RUNX1T1: variants seen among roughly 807,000 people sequenced by gnomAD.
RUNX1T1 encodes protein CBFA2T1.
RUNX1T1 carries 4 observed loss-of-function variants against 62.8 expected under a neutral mutation model. The observed-to-expected ratio is 0.06, with a 90% confidence interval of 0.03 to 0.15. The LOEUF (loss-of-function observed/expected upper bound fraction) is 0.15. Ranked by LOEUF, RUNX1T1 falls within the 10% of genes least tolerant of loss-of-function variation. The pLI is 1.00. For missense variants in RUNX1T1, 508 were observed against 754.3 expected (o/e 0.67, Z 3.82); for synonymous variants, 291 against 286.0 (o/e 1.02, Z -0.18).
Position 92,017,360 on chromosome 8 carries a change from C to A in RUNX1T1, c.11G>T (p.Arg4Leu), listed in dbSNP as rs369593131. 1.2e-6 allele frequency: 2 copies of A among 1,613,744 alleles called. No individual in the cohort carries two copies. The highest frequency in any genetic ancestry group is 3.3e-5 in the Admixed American group (2 of 59,998). Residue 4 changes from arginine (R) to leucine (L), a missense_variant, in exon 2 of 11, where the codon CGT becomes CTT. Arg to Leu is a moderately radical substitution (Grantham distance 102). This residue lies in a region of RUNX1T1 where 86 missense variants were observed against 94.4 expected (regional missense o/e 0.91). Coordinates refer to ENST00000396218, the Ensembl canonical transcript of RUNX1T1. ...TGGCATTGTGGAGTGCTTCTCAGTA[C>A]GATCTGGAGGATGCCACCAGGAACA...
In RUNX1T1 at chr8:92,014,751, T is replaced by C. The variant is rs181947057; in HGVS notation, c.215A>G (p.Asn72Ser). 17 of 1,614,012 alleles carry C rather than the reference T, an allele frequency of 1.1e-5. No individual in the cohort carries two copies. The Admixed American group carries it at 2.3e-4, about 22-fold the overall frequency. The change falls in exon 3 of 11, where the codon AAT (asparagine) becomes AGT (serine). Residue 72 changes from asparagine to serine, a missense_variant. Around this residue, in one of 7 missense-constraint regions of RUNX1T1, gnomAD observed 86 missense variants for 94.4 expected, o/e 0.91. Transcript: ENST00000396218. ...GGAGGAGGAAGAAGAGGAAGGCCCA[T>C]TGCTGAAGCCATTGGGTGGTGAGGG...
chr8:92,058,593 CT>C (rs1831415579), intron 1 of RUNX1T1, among the ~76,000 whole-genome samples: 1 of 152,164 alleles, frequency 6.6e-6, no homozygotes, highest in South Asian at 2.1e-4. Context: ...AAAAGATCTT[CT>C]TACTTTCATA....
At chr8:92,068,186 C>T (rs1833152972) in intron 2 of RUNX1T1, among the ~76,000 whole-genome samples, 1 of 151,834 alleles carries the variant, frequency 6.6e-6, no homozygotes, top group African/African-American at 2.4e-5. Context: ...AAATAAGTTA[C>T]CATTTACAGT....
upstream of RUNX1T1, chr8:92,062,993 C>T (rs962907714): frequency 1.8e-6 from 2 of 1,119,928 alleles, no homozygotes; most frequent in Non-Finnish European, 2.2e-6. Context: ...CAAGGTTAAC[C>T]CTTATTTTGC....
chr8:92,101,908 G>C (rs994373883), upstream of RUNX1T1, among the ~76,000 whole-genome samples: 2 of 152,172 alleles, frequency 1.3e-5, no homozygotes, highest in Non-Finnish European at 2.9e-5. Flanking sequence ...GGCGGTGAGC[G>C]GCGGGCCCTG....
chr8:91,980,238 C>T (rs1008149191), intron 8 of RUNX1T1, among the ~76,000 whole-genome samples: 8 of 152,136 alleles, frequency 5.3e-5, no homozygotes, highest in African/African-American at 1.9e-4. Context: ...TAGTTAAGTA[C>T]AGTAGGCATT....
At chr8:91,981,637 G>A (rs1166170475) in intron 8 of RUNX1T1, among the ~76,000 whole-genome samples, 2 of 151,394 alleles carry the variant, frequency 1.3e-5, no homozygotes, top group African/African-American at 4.9e-5. Context: ...GGATGATCTC[G>A]ATATCCTGAC....
chr8:92,039,906 G>A (rs1388534505), intron 1 of RUNX1T1, among the ~76,000 whole-genome samples: 1 of 152,024 alleles, frequency 6.6e-6, no homozygotes, highest in Admixed American at 6.6e-5. Flanking sequence ...AGGTCCTCAT[G>A]TTCTCTCACC....
At chr8:91,960,204 G>C in exon 11 of RUNX1T1, 1 of 1,586,618 alleles carries the variant, frequency 6.3e-7, no homozygotes, top group Non-Finnish European at 8.6e-7. Context: ...TTTCGCGTTG[G>C]TTGTGTTGTC....
intron 2 of RUNX1T1, among the ~76,000 whole-genome samples, chr8:92,068,019 A>T (rs1245658230): frequency 2.0e-5 from 3 of 152,232 alleles, no homozygotes; most frequent in African/African-American, 7.2e-5. Context: ...CATAGGCACT[A>T]GCAAGGGGTT....
At chr8:91,960,671 A>G (rs1810239988) in intron 10 of RUNX1T1, among the ~76,000 whole-genome samples, 154 bp from the exon 12 acceptor site, 1 of 152,232 alleles carries the variant, frequency 6.6e-6, no homozygotes, top group South Asian at 2.1e-4. Context: ...TACAAACACT[A>G]AACACAGAAG....
chr8:91,998,868 G>T (rs1405135254), intron 5 of RUNX1T1, among the ~76,000 whole-genome samples: 4 of 152,010 alleles, frequency 2.6e-5, no homozygotes, highest in African/African-American at 9.7e-5. Flanking sequence ...TGTTTTTATT[G>T]TATTTCAGAG....
Position 91,986,977 on chromosome 8 carries a change from A to G in RUNX1T1, c.911-5T>C. ...CTTGACGTGTGCCATGCAACCCTACAAAAATAGAGAAGGCTGAATAACCCT... is the reference window on the plus strand; with the variant it reads ...CTTGACGTGTGCCATGCAACCCTACGAAAATAGAGAAGGCTGAATAACCCT... On this transcript the variant is annotated splice_polypyrimidine_tract_variant and splice_region_variant and intron_variant, in intron 6 of 10. Coordinates refer to ENST00000396218, the Ensembl canonical transcript of RUNX1T1. 2 of 1,591,714 alleles carry G rather than the reference A, an allele frequency of 1.3e-6. No individual in the cohort carries two copies. Among genetic ancestry groups the G allele is most frequent in the East Asian group, 4.5e-5 (2 of 44,728 alleles).
intron 1 of RUNX1T1, among the ~76,000 whole-genome samples, chr8:92,041,676 A>T (rs2130133056): frequency 6.6e-6 from 1 of 152,286 alleles, no homozygotes; most frequent in South Asian, 2.1e-4. Context: ...CAGGCAGCAG[A>T]GGTTGTAGTA....
At chr8:92,098,648 C>T (rs1249851905) in intron 1 of RUNX1T1, among the ~76,000 whole-genome samples, 2 of 152,104 alleles carry the variant, frequency 1.3e-5, no homozygotes, top group Non-Finnish European at 2.9e-5. Context: ...AGCTACATAG[C>T]GATTTATTCA....
intron 1 of RUNX1T1, among the ~76,000 whole-genome samples, chr8:92,019,411 A>C (rs1039644641): frequency 6.6e-6 from 1 of 152,146 alleles, no homozygotes; most frequent in Non-Finnish European, 1.5e-5. Flanking sequence ...AGAGAAAGGA[A>C]GAGCAGGAGG....
At chr8:92,066,972 G>A (rs1832967443), upstream of RUNX1T1, among the ~76,000 whole-genome samples, 1 of 152,184 alleles carries the variant, frequency 6.6e-6, no homozygotes, top group Admixed American at 6.5e-5. Context: ...TCCTTTGGGG[G>A]AAATGATTGG....
chr8:91,972,430 G>A (rs759643750), intron 9 of RUNX1T1, among the ~76,000 whole-genome samples: 17 of 152,106 alleles, frequency 1.1e-4, no homozygotes, highest in South Asian at 2.1e-4. Context: ...ATATTAAGCC[G>A]TTGTTAGCTG....
chr8:91,973,298 C>T (rs1813237126), intron 9 of RUNX1T1, among the ~76,000 whole-genome samples: 2 of 151,166 alleles, frequency 1.3e-5, no homozygotes, highest in South Asian at 2.1e-4. Flanking sequence ...AGAGAAAATA[C>T]TAAAGCAAAT....
Sources: gnomAD v4.1 joint callset for allele counts (sites outside exome capture counted in the v4.1 genomes callset) on GRCh38, gnomAD v4.1.1 for gene constraint, gnomAD v4.1.1 regional missense constraint, MANE v1.5 for transcripts, NCBI Gene and HGNC (gene_info 2026-07-23, HGNC 2026-07-21) for gene names.